Variants in PCDHA13 observed in about 807,000 individuals in gnomAD.
PCDHA13 encodes the protein protocadherin alpha 13.
Under a neutral mutation model 64.8 loss-of-function variants are expected in PCDHA13, and 54 were observed. The observed-to-expected ratio is 0.83, with a 90% CI of 0.67 to 1.04. PCDHA13 has a LOEUF of 1.04. PCDHA13 is among the 50% of genes least tolerant of loss of function. PCDHA13 has a pLI of 0.00. For synonymous variants in PCDHA13, 587 were observed against 564.4 expected (o/e 1.04, Z -0.57); for missense variants, 1,248 against 1,254.3 (o/e 0.99, Z 0.08).
At position 140,972,838 on chromosome 5, in the gene PCDHA13, A is replaced by G. The variant is rs181315236; in HGVS notation, c.2395-6111A>G. Among the ~76,000 whole-genome samples the G allele has an allele frequency of 2.0e-4, 30 of 151,814 alleles. No individual in the cohort carries two copies. In the East Asian group the frequency reaches 5.8e-3, roughly 30 times the overall value. The stretch of plus-strand genomic sequence containing the variant: ...GCCACCACGCCTGGCTAATTTTTGT[A>G]TTTTTAGTAGAGATGGGGTTTCATC... On this transcript the variant is annotated intron_variant, in intron 1 of 3. Transcript: ENST00000289272.
At chr5:140,959,611 C>T (rs2095501064) in intron 1 of PCDHA13, among the ~76,000 whole-genome samples, 1 of 151,848 alleles carries the variant, frequency 6.6e-6, no homozygotes, top group Non-Finnish European at 1.5e-5. Context: ...GCTTTTCTTG[C>T]TTGTGATAGA....
intron 1 of PCDHA13, among the ~76,000 whole-genome samples, chr5:140,944,351 C>A (rs530648518): frequency 6.6e-6 from 1 of 152,198 alleles, no homozygotes; most frequent in South Asian, 2.1e-4. Context: ...CCACACCTGG[C>A]TAATTTTTAA....
intron 3 of PCDHA13, among the ~76,000 whole-genome samples, chr5:140,985,544 G>T (rs1426303468): frequency 6.6e-6 from 1 of 152,108 alleles, no homozygotes; most frequent in Non-Finnish European, 1.5e-5. Flanking sequence ...TGAAGATGCA[G>T]TTGCTTCCAA....
intron 1 of PCDHA13, chr5:140,927,930 G>A (rs782236455): frequency 1.9e-5 from 30 of 1,614,062 alleles, no homozygotes; most frequent in Admixed American, 5.0e-5. Flanking sequence ...TGACTCTTTC[G>A]AACCCAGTAC....
At chr5:140,894,710 G>A (rs1032103787) in intron 1 of PCDHA13, among the ~76,000 whole-genome samples, 1 of 151,116 alleles carries the variant, frequency 6.6e-6, no homozygotes, top group Non-Finnish European at 1.5e-5. Context: ...TGTTTAAGTT[G>A]TTTTCAAATA....
At chr5:140,964,567 A>G (rs2095840776) in intron 1 of PCDHA13, among the ~76,000 whole-genome samples, 1 of 152,080 alleles carries the variant, frequency 6.6e-6, no homozygotes. Context: ...GGCTGGGAGG[A>G]GATAAGGGGA....
intron 3 of PCDHA13, among the ~76,000 whole-genome samples, chr5:140,998,104 G>A (rs1554256160): frequency 6.6e-6 from 1 of 152,132 alleles, no homozygotes; most frequent in African/African-American, 2.4e-5. Context: ...GCAAACAGAG[G>A]AGAAAATTTA....
At chr5:140,967,489 A>G in intron 1 of PCDHA13, 4 of 1,613,456 alleles carry the variant, frequency 2.5e-6, no homozygotes, top group Non-Finnish European at 3.4e-6. Flanking sequence ...CGGGTACGGC[A>G]CAGATCTCTG....
intron 1 of PCDHA13, among the ~76,000 whole-genome samples, chr5:140,953,511 G>A (rs1243901831): frequency 1.3e-5 from 2 of 152,114 alleles, no homozygotes; most frequent in Non-Finnish European, 2.9e-5. Flanking sequence ...TTAGGCCAAA[G>A]CAACAAAAAC....
chr5:140,952,852 G>A (rs887887464), intron 1 of PCDHA13, among the ~76,000 whole-genome samples: 2 of 152,068 alleles, frequency 1.3e-5, no homozygotes, highest in Non-Finnish European at 2.9e-5. Context: ...TTGTCTTCTG[G>A]GGAGGCCTCA....
intron 1 of PCDHA13, among the ~76,000 whole-genome samples, chr5:140,915,915 T>C (rs782614078): frequency 1.3e-5 from 2 of 152,158 alleles, no homozygotes; most frequent in Non-Finnish European, 2.9e-5. Context: ...GGCCCAGAGA[T>C]GCTACTTGGG....
chr5:140,936,079 G>T (rs1341534865), intron 1 of PCDHA13, among the ~76,000 whole-genome samples: 2 of 152,008 alleles, frequency 1.3e-5, no homozygotes, highest in African/African-American at 4.8e-5. Context: ...TTTTAGTAGA[G>T]ACAGGGTTTC....
chr5:140,928,896 A>G, intron 1 of PCDHA13: 3 of 1,614,108 alleles, frequency 1.9e-6, no homozygotes, highest in Non-Finnish European at 2.5e-6. Context: ...CAGACTTTGA[A>G]GATGTCTGGG....
intron 1 of PCDHA13, among the ~76,000 whole-genome samples, chr5:140,907,205 G>T (rs549918744): frequency 2.0e-5 from 3 of 152,196 alleles, no homozygotes; most frequent in East Asian, 3.9e-4. Context: ...GGAGAATTTT[G>T]CCCCAGCCCT....
chr5:140,882,776 T>C lies in PCDHA13; in HGVS notation c.508T>C (p.Tyr170His). 1.2e-6 allele frequency: 2 copies of C among 1,614,252 alleles called. No homozygotes were observed. The highest frequency in any genetic ancestry group is 1.7e-6 in the Non-Finnish European group (2 of 1,180,040). Residue 170 changes from tyrosine (Y) to histidine (H), a missense_variant, in exon 1 of 4, where the codon TAC (tyrosine) becomes CAC (histidine). Physicochemically the swap from Tyr to His is moderately conservative, Grantham distance 83. Transcript: ENST00000289272. ...TATTGGAGTAAACTCGGCATTGACC[T>C]ACCGACTGGATCCCAACGATTATTT... ...ADIGVNSALT[Y>H]RLDPNDYFTL...
At chr5:140,937,039 CTT>C (rs34994034) in intron 1 of PCDHA13, among the ~76,000 whole-genome samples, 9 of 140,130 alleles carry the variant, frequency 6.4e-5, no homozygotes, top group Admixed American at 7.1e-5. Context: ...TTCCATTTAT[CTT>C]TTTTTTTTTT....
At position 140,883,972 on chromosome 5, in the gene PCDHA13, C is replaced by G. The variant is rs781784485; in HGVS notation, c.1704C>G (p.Pro568=). Residue 568 remains proline (P), a synonymous_variant, in exon 1 of 4, where the codon CCC becomes CCG. Transcript: ENST00000289272. ...ACAACGCTCCGGCGCTGCTGACGCC[C>G]GGGGCTGGCAGCGCGGGAGGCACAG... is the stretch of plus-strand genomic sequence containing the variant. ...ENDNAPALLT[P]GAGSAGGTVS... is the part of the protein sequence containing the mutation. The G allele has an allele frequency of 3.1e-6, 5 of 1,612,854 alleles. No homozygotes were observed. Among genetic ancestry groups the G allele is most frequent in the Non-Finnish European group, 4.2e-6 (5 of 1,179,686 alleles).
intron 1 of PCDHA13, among the ~76,000 whole-genome samples, chr5:140,962,829 C>CT (rs1342441888): frequency 6.6e-6 from 1 of 152,190 alleles, no homozygotes; most frequent in East Asian, 1.9e-4. Flanking sequence ...CCATTTGTCT[C>CT]TTTTTTATTA....
intron 1 of PCDHA13, among the ~76,000 whole-genome samples, chr5:140,906,853 T>C (rs576448914): frequency 1.3e-5 from 2 of 152,170 alleles, no homozygotes; most frequent in Non-Finnish European, 2.9e-5. Flanking sequence ...AGAGTCTGGG[T>C]CAGTCACCCC....
Sources: gnomAD v4.1 joint callset for allele counts (sites outside exome capture counted in the v4.1 genomes callset) on GRCh38, gnomAD v4.1.1 for gene constraint, MANE v1.5 for transcripts, NCBI Gene and HGNC (gene_info 2026-07-23, HGNC 2026-07-21) for gene names.